Variants in EXOC2 observed in about 807,000 individuals in gnomAD.
EXOC2 encodes exocyst complex component 2, also known as SEC5-like 1.
EXOC2 carries 70 observed loss-of-function variants against 131.8 expected under a neutral mutation model. The ratio of observed to expected loss-of-function variants is 0.53; its 90% CI spans 0.44 to 0.65. The LOEUF (loss-of-function observed/expected upper bound fraction) is 0.65. Among genes scored for constraint, EXOC2 ranks in the 30% least tolerant of loss-of-function variants. The probability of loss-of-function intolerance (pLI) is 0.00; values close to 1 mark genes in which losing one functional copy is unlikely to be tolerated. For synonymous variants in EXOC2, 411 were observed against 398.4 expected (o/e 1.03, Z -0.38); for missense variants, 923 against 1,108.6 (o/e 0.83, Z 2.38).
chr6:598,929 C>T lies in EXOC2; in HGVS notation c.901G>A (p.Val301Met). 2 of 1,608,246 alleles carry T rather than the reference C, an allele frequency of 1.2e-6. No individual in the cohort carries two copies. Among genetic ancestry groups the T allele is most frequent in the East Asian group, 4.5e-5 (2 of 44,796 alleles). The part of the protein sequence containing the change: ...ERNIQKGDYD[V>M]VINDYEKAKS... ...GCCTTTTCATAATCATTAATAACCACATCATAATCACCCTTTAAAATAAAG... is the reference window on the plus strand; with the variant it reads ...GCCTTTTCATAATCATTAATAACCATATCATAATCACCCTTTAAAATAAAG... Residue 301 changes from valine to methionine, a missense_variant, in exon 9 of 28, where the codon GTG becomes ATG. Transcript: ENST00000230449.
chr6:676,237 A>C (rs200947512), intron 1 of EXOC2, among the ~76,000 whole-genome samples: 2,089 of 24,840 alleles, frequency 0.084, 108 homozygotes, highest in East Asian at 0.36. Context: ...GTTCCTCTGG[A>C]GACTGCGGTT....
At chr6:523,329 C>T (rs1011624103) in intron 23 of EXOC2, among the ~76,000 whole-genome samples, 21 of 152,340 alleles carry the variant, frequency 1.4e-4, no homozygotes, top group Non-Finnish European at 2.8e-4. Flanking sequence ...TAAGTGAGAA[C>T]GCAGTGCGTC....
chr6:535,868 T>G (rs1431560059), intron 22 of EXOC2, among the ~76,000 whole-genome samples: 3 of 152,206 alleles, frequency 2.0e-5, no homozygotes, highest in African/African-American at 7.2e-5. Context: ...CCAATAGCCT[T>G]CATGAACAAA....
chr6:614,238 A>G (rs1760863493), intron 6 of EXOC2, among the ~76,000 whole-genome samples: 1 of 152,108 alleles, frequency 6.6e-6, no homozygotes, highest in Non-Finnish European at 1.5e-5. Flanking sequence ...AGGGTCACTC[A>G]ATATCAGCCT....
In EXOC2 at chr6:622,563, G is replaced by A. The variant is rs139556469; in HGVS notation, c.423-3020C>T. ...GACACAATGGTAGCAAGTAACGCAA[G>A]AAAGTATAAAATGCAGACACAAAAC... On this transcript the variant is annotated intron_variant, in intron 4 of 27. Coordinates refer to ENST00000230449, the MANE Select transcript of EXOC2 (RefSeq NM_018303.6). Among the ~76,000 whole-genome samples, 181 of 152,294 alleles carry A rather than the reference G, an allele frequency of 1.2e-3. 1 individual carries two copies. Among genetic ancestry groups the A allele is most frequent in the African/African-American group, 4.1e-3 (171 of 41,562 alleles).
intron 5 of EXOC2, among the ~76,000 whole-genome samples, chr6:618,592 T>C (rs1761130342): frequency 6.6e-6 from 1 of 152,234 alleles, no homozygotes; most frequent in Non-Finnish European, 1.5e-5. Context: ...AAATTCATCT[T>C]GGACATTTGC....
chr6:680,423 T>G (rs904323095), intron 1 of EXOC2, among the ~76,000 whole-genome samples: 13 of 152,158 alleles, frequency 8.5e-5, no homozygotes, highest in Non-Finnish European at 1.5e-5. Context: ...ACACCAGGGG[T>G]CAATTATCCT....
Position 486,445 on chromosome 6 carries a change from CATACA to C in EXOC2, c.*221_*225del. On this transcript the variant is annotated 3_prime_UTR_variant, in exon 28 of 28. Transcript: ENST00000230449. ...TATATTTTAAAATGTATTTTAAAGT[CATACA>C]GGATCTGATCTAGTAAGAATGGCAA... The C allele has an allele frequency of 2.2e-6, 1 of 451,604 alleles. No homozygotes were observed. The highest frequency in any genetic ancestry group is 3.5e-5 in the East Asian group (1 of 28,848). The allele number at this position is 451,604 out of a possible 1,614,324, so 28.0% of individuals were successfully genotyped here. A position where few individuals can be genotyped will look rare whatever the true frequency, so the allele number is the denominator to read the frequency against.
intron 23 of EXOC2, among the ~76,000 whole-genome samples, chr6:518,100 T>C (rs747354968): frequency 1.1e-4 from 16 of 152,206 alleles, no homozygotes; most frequent in African/African-American, 2.2e-4. Context: ...ATTGACTAAA[T>C]AGCTGATAAA....
intron 1 of EXOC2, among the ~76,000 whole-genome samples, chr6:688,187 G>A (rs546606821): frequency 6.6e-6 from 1 of 152,318 alleles, no homozygotes; most frequent in African/African-American, 2.4e-5. Flanking sequence ...GATGTGAAAG[G>A]ATGAAAGGTT....
chr6:598,442 G>A (rs1200596306), intron 9 of EXOC2, among the ~76,000 whole-genome samples: 2 of 152,144 alleles, frequency 1.3e-5, no homozygotes, highest in African/African-American at 4.8e-5. Context: ...TCTCCTGGTG[G>A]ACTGTAACTC....
intron 26 of EXOC2, among the ~76,000 whole-genome samples, chr6:489,439 G>GTGTT (rs1033420457): frequency 2.6e-5 from 4 of 152,194 alleles, no homozygotes; most frequent in Admixed American, 6.5e-5. Flanking sequence ...ACACAGTGGG[G>GTGTT]TGTTTACAGT....
intron 11 of EXOC2, among the ~76,000 whole-genome samples, chr6:586,935 A>G (rs544498999): frequency 6.6e-6 from 1 of 152,368 alleles, no homozygotes; most frequent in South Asian, 2.1e-4. Context: ...AGGCATCCAC[A>G]AAACTAGACA....
chr6:599,250 C>G, intron 7 of EXOC2, 25 bp from the exon 8 acceptor site: 1 of 1,512,678 alleles, frequency 6.6e-7, no homozygotes, highest in Non-Finnish European at 8.9e-7. Flanking sequence ...GGAAAGGAAA[C>G]TTAGATGAAA....
intron 1 of EXOC2, among the ~76,000 whole-genome samples, chr6:647,067 T>C (rs1201723508): frequency 6.6e-6 from 1 of 152,220 alleles, no homozygotes; most frequent in African/African-American, 2.4e-5. Flanking sequence ...AGGAAAATAC[T>C]TTCTTCAATT....
At position 637,712 on chromosome 6, in the gene EXOC2, G is replaced by C. The variant is rs1762167582; in HGVS notation, c.107C>G (p.Thr36Ser). 1 of 1,613,244 alleles carries C rather than the reference G, an allele frequency of 6.2e-7. No homozygotes were observed. Among genetic ancestry groups the C allele is most frequent in the South Asian group, 1.1e-5 (1 of 90,934 alleles). ...GCCTCTGCCCTTACCTATGAGGTCG[G>C]TGGGGCCAGTCCCCAGATTTTCTCC... The part of the protein sequence containing the change: ...IRGENLGTGP[T>S]DLIGLTICGH... The change falls in exon 2 of 28, where the codon ACC (threonine) becomes AGC (serine). Residue 36 changes from threonine (T) to serine (S), a missense_variant. Thr to Ser is a moderately conservative substitution (Grantham distance 58). Coordinates refer to ENST00000230449, the MANE Select transcript of EXOC2 (RefSeq NM_018303.6).
In EXOC2 at chr6:549,254, T is replaced by A. The variant is rs767425792; in HGVS notation, c.2159A>T (p.Tyr720Phe). Reference protein sequence around the residue: ...RLLIVLSNCCYLERHTFLNIA... With the variant: ...RLLIVLSNCCFLERHTFLNIA... ...ATTTAGGAAGGTGTGACGTTCTAGA[T>A]AGCAGCAATTACTTAGGACTATCAA... The change falls in exon 22 of 28, where the codon TAT becomes TTT. Residue 720 changes from tyrosine to phenylalanine, a missense_variant. Physicochemically the swap from Tyr to Phe is conservative, Grantham distance 22. Coordinates refer to ENST00000230449, the MANE Select transcript of EXOC2 (RefSeq NM_018303.6). The A allele has an allele frequency of 6.2e-7, 1 of 1,614,126 alleles. No individual in the cohort carries two copies. Among genetic ancestry groups the A allele is most frequent in the African/African-American group, 1.3e-5 (1 of 74,940 alleles).
chr6:655,926 T>G (rs957135129), intron 1 of EXOC2: 1 of 524,368 alleles, frequency 1.9e-6, no homozygotes, highest in Admixed American at 3.5e-5. Flanking sequence ...AAACAAAACA[T>G]GAACTACCCA....
chr6:656,079 TA>T lies in EXOC2; in HGVS notation c.-43-18219del, dbSNP rs573327985. On this transcript the variant is annotated intron_variant, in intron 1 of 27. Transcript: ENST00000230449. ...TTTAGTTTTGAAAAGATCAAAACCT[TA>T]AAAAAAAAATCTAAGCTGGCTGAAT... 3,996 of 1,385,730 alleles carry T rather than the reference TA, an allele frequency of 2.9e-3. 37 individuals carry two copies. The African/African-American group carries it at 0.036, about 13-fold the overall frequency. 85.8% of individuals were successfully genotyped at this position (1,385,730 alleles called of 1,614,324 possible). A position where few individuals can be genotyped will look rare whatever the true frequency, so the allele number is the denominator to read the frequency against.
Sources: allele counts gnomAD v4.1 joint callset (sites outside exome capture counted in the v4.1 genomes callset), GRCh38; gene constraint gnomAD v4.1.1; transcripts MANE v1.5; gene names NCBI Gene and HGNC (gene_info 2026-07-23, HGNC 2026-07-21).